Variants in TBC1D5 observed in about 807,000 individuals in gnomAD.
The protein encoded by TBC1D5 is TBC1 domain family member 5.
Under a neutral mutation model 100.3 loss-of-function variants are expected in TBC1D5, and 75 were observed. The ratio of observed to expected loss-of-function variants is 0.75; its 90% CI spans 0.62 to 0.91. The LOEUF is 0.91. TBC1D5 is among the 40% of genes least tolerant of loss of function. TBC1D5 has a pLI of 0.00. For missense variants in TBC1D5, 910 were observed against 942.4 expected (o/e 0.97, Z 0.45); for synonymous variants, 323 against 325.6 (o/e 0.99, Z 0.09).
At chr3:17,171,668 A>C (rs1012887369) in intron 19 of TBC1D5, among the ~76,000 whole-genome samples, 13 of 152,122 alleles carry the variant, frequency 8.5e-5, no homozygotes, top group South Asian at 2.1e-4. Flanking sequence ...GATTAGGGTA[A>C]GCCCTAATCT....
chr3:17,328,045 G>A (rs1164701724), intron 13 of TBC1D5, among the ~76,000 whole-genome samples: 1 of 152,070 alleles, frequency 6.6e-6, no homozygotes, highest in Non-Finnish European at 1.5e-5. Context: ...CAAGATGGGG[G>A]GATAGCTTAA....
In TBC1D5 at chr3:17,374,629, TA is replaced by T; in HGVS notation, c.751del (p.Tyr251MetfsTer29). On this transcript the variant is annotated frameshift_variant and splice_region_variant, in exon 11 of 22. Coordinates refer to ENST00000253692, the Ensembl canonical transcript of TBC1D5. LOFTEE classifies it high-confidence loss of function. ...AAACAAAGAAAGTTTTTGTACTTAC[TA>T]GGCATCATGTTCCAGATACTCAGGG... 1 of 1,611,556 alleles carries T rather than the reference TA, an allele frequency of 6.2e-7. No homozygotes were observed. Among genetic ancestry groups the T allele is most frequent in the Middle Eastern group, 1.9e-4 (1 of 5,308 alleles).
At chr3:17,210,184 T>C (rs1370514000) in intron 18 of TBC1D5, among the ~76,000 whole-genome samples, 1 of 152,016 alleles carries the variant, frequency 6.6e-6, no homozygotes, top group African/African-American at 2.4e-5. Context: ...TAATTTTTTT[T>C]CAGAACTTTT....
intron 16 of TBC1D5, among the ~76,000 whole-genome samples, chr3:17,240,551 T>C (rs76876789): frequency 6.6e-6 from 1 of 152,100 alleles, no homozygotes; most frequent in Non-Finnish European, 1.5e-5. Flanking sequence ...AATATATGTT[T>C]ATTGAGAAAA....
intron 15 of TBC1D5, among the ~76,000 whole-genome samples, chr3:17,271,430 T>G (rs535653596): frequency 6.6e-6 from 1 of 152,318 alleles, no homozygotes; most frequent in South Asian, 2.1e-4. Flanking sequence ...ACAGATATAC[T>G]ACTGATTTTT....
chr3:17,588,254 G>GAAAAAAAAAAAAAAAAA, intron 2 of TBC1D5, among the ~76,000 whole-genome samples: 1 of 74,096 alleles, frequency 1.3e-5, no homozygotes, highest in Non-Finnish European at 3.1e-5. Context: ...CAAGAAAGGA[G>GAAAAAAAAAAAAAAAAA]AAAAAAAAAA....
intron 3 of TBC1D5, among the ~76,000 whole-genome samples, chr3:17,474,929 G>T (rs952870471): frequency 4.0e-5 from 6 of 151,668 alleles, no homozygotes; most frequent in African/African-American, 1.5e-4. Flanking sequence ...GTAACAATGT[G>T]GAAGAAAAAA....
chr3:17,345,448 A>C (rs2089717863), intron 13 of TBC1D5, among the ~76,000 whole-genome samples: 1 of 152,108 alleles, frequency 6.6e-6, no homozygotes, highest in Non-Finnish European at 1.5e-5. Context: ...GTGGAGAAAT[A>C]GGAACACTTT....
chr3:17,247,880 T>C (rs1263284730), intron 16 of TBC1D5, among the ~76,000 whole-genome samples: 1 of 152,224 alleles, frequency 6.6e-6, no homozygotes, highest in Non-Finnish European at 1.5e-5. Context: ...TCTCTTCTTC[T>C]ATTACAGTTT....
At chr3:17,287,385 C>T (rs774759817) in intron 15 of TBC1D5, among the ~76,000 whole-genome samples, 8 of 152,158 alleles carry the variant, frequency 5.3e-5, no homozygotes, top group African/African-American at 1.7e-4. Context: ...TACAAGGTGC[C>T]GTGGGAACTC....
At chr3:17,666,355 A>G (rs2067253151) in intron 1 of TBC1D5, among the ~76,000 whole-genome samples, 1 of 152,166 alleles carries the variant, frequency 6.6e-6, no homozygotes, top group Non-Finnish European at 1.5e-5. Context: ...ACTGACAAAG[A>G]AGATTTTAGA....
intron 8 of TBC1D5, among the ~76,000 whole-genome samples, chr3:17,399,123 T>C (rs77050372): frequency 0.024 from 3,718 of 152,136 alleles, 152 homozygotes; most frequent in African/African-American, 0.084. Context: ...AACCTGTTCA[T>C]TGAATAATGC....
At chr3:17,444,631 A>C (rs2094742693) in intron 3 of TBC1D5, among the ~76,000 whole-genome samples, 2 of 152,116 alleles carry the variant, frequency 1.3e-5, no homozygotes, top group Admixed American at 1.3e-4. Flanking sequence ...AAGTATTAAC[A>C]AAACCACAAA....
chr3:17,220,793 G>A (rs560975750), intron 17 of TBC1D5, among the ~76,000 whole-genome samples: 4 of 152,026 alleles, frequency 2.6e-5, no homozygotes, highest in Non-Finnish European at 5.9e-5. Context: ...GGATGGCTTA[G>A]TTTTGAATTT....
chr3:17,199,306 T>G (rs192750478), intron 18 of TBC1D5, among the ~76,000 whole-genome samples: 1 of 152,356 alleles, frequency 6.6e-6, no homozygotes, highest in Admixed American at 6.5e-5. Context: ...AAACAGATAT[T>G]CATGTTTTCA....
At position 17,282,642 on chromosome 3, in the gene TBC1D5, C is replaced by T. The variant is rs1214297274; in HGVS notation, c.1245+9253G>A. The stretch of plus-strand genomic sequence containing the variant: ...CACAAAGTTTCATTGCTCTCTCAAG[C>T]TGCCCCAAATAAAAATCACTAAACA... On this transcript the variant is annotated intron_variant, in intron 15 of 21. Transcript: ENST00000253692. Among the ~76,000 whole-genome samples the T allele has an allele frequency of 2.0e-5, 3 of 152,182 alleles. No homozygotes were observed. In the East Asian group the frequency reaches 5.8e-4, roughly 29 times the overall value.
At chr3:17,505,787 T>C (rs2095838581) in intron 3 of TBC1D5, among the ~76,000 whole-genome samples, 1 of 152,220 alleles carries the variant, frequency 6.6e-6, no homozygotes, top group South Asian at 2.1e-4. Flanking sequence ...AACTTGTCAG[T>C]TATTAAACTT....
intron 2 of TBC1D5, among the ~76,000 whole-genome samples, chr3:17,544,252 CAA>C (rs1342211304): frequency 6.6e-6 from 1 of 152,134 alleles, no homozygotes; most frequent in African/African-American, 2.4e-5. Context: ...CTGTTGTAGA[CAA>C]AAGACTATCT....
intron 1 of TBC1D5, among the ~76,000 whole-genome samples, chr3:17,721,644 C>T (rs1374855027): frequency 1.3e-5 from 2 of 152,018 alleles, no homozygotes; most frequent in Non-Finnish European, 2.9e-5. Context: ...TACACTCTAG[C>T]CTGGGCGACA....
Sources: gnomAD v4.1 joint callset for allele counts (sites outside exome capture counted in the v4.1 genomes callset) on GRCh38, gnomAD v4.1.1 for gene constraint, MANE v1.5 for transcripts, NCBI Gene and HGNC (gene_info 2026-07-23, HGNC 2026-07-21) for gene names.